Variants in DCDC1 observed in about 807,000 individuals in gnomAD.
The protein encoded by DCDC1 is doublecortin domain-containing protein 1.
A neutral mutation model predicts 178.3 loss-of-function variants in DCDC1; 200 were observed. That is an observed-to-expected ratio of 1.12 (90% CI 1.00 to 1.26). The LOEUF (loss-of-function observed/expected upper bound fraction) is 1.26. Ranked by LOEUF, DCDC1 falls within the 50% of genes most tolerant of loss-of-function variation. DCDC1 has a pLI of 0.00. For missense variants in DCDC1, 1,983 were observed against 1,749.2 expected (o/e 1.13, Z -2.38); for synonymous variants, 690 against 604.8 (o/e 1.14, Z -2.07).
chr11:31,152,113 A>T (rs1440030144), intron 9 of DCDC1, among the ~76,000 whole-genome samples: 1 of 152,232 alleles, frequency 6.6e-6, no homozygotes, highest in Non-Finnish European at 1.5e-5. Flanking sequence ...AATAATTTTC[A>T]TTCAACCTGG....
At chr11:31,033,500 T>C (rs1050269108) in intron 20 of DCDC1, among the ~76,000 whole-genome samples, 3 of 152,178 alleles carry the variant, frequency 2.0e-5, no homozygotes, top group Non-Finnish European at 4.4e-5. Flanking sequence ...CATTTATTTA[T>C]TCAGTATACA....
intron 20 of DCDC1, among the ~76,000 whole-genome samples, chr11:30,981,190 C>T (rs574433078): frequency 7.9e-5 from 12 of 152,004 alleles, no homozygotes; most frequent in East Asian, 1.9e-4. Flanking sequence ...ACTCCAAAAG[C>T]GGAGAGGGTG....
chr11:31,210,742 A>T (rs1972430680), intron 9 of DCDC1, among the ~76,000 whole-genome samples: 1 of 151,928 alleles, frequency 6.6e-6, no homozygotes, highest in South Asian at 2.1e-4. Flanking sequence ...AAAGGAAAAG[A>T]AAAGAAAAAA....
At chr11:31,020,805 GAA>G (rs1478625654) in intron 20 of DCDC1, among the ~76,000 whole-genome samples, 2 of 152,174 alleles carry the variant, frequency 1.3e-5, no homozygotes, top group African/African-American at 4.8e-5. Flanking sequence ...ACTTTTGCAT[GAA>G]GTTATTCACT....
In DCDC1 at chr11:31,079,474, C is replaced by G. The variant is rs188798989; in HGVS notation, c.2238-1549G>C. On this transcript the variant is annotated intron_variant, in intron 17 of 38. Transcript: ENST00000684477. ...GAGCCATTCTAGCAGATTATCAAAC[C>G]CAACGAGGGGGTCATGAGAATCCCG... is the stretch of plus-strand genomic sequence containing the variant. Among the ~76,000 whole-genome samples the G allele has an allele frequency of 1.9e-3, 295 of 152,136 alleles. 4 individuals carry two copies. The highest frequency in any genetic ancestry group is 6.5e-3 in the African/African-American group (269 of 41,502).
chr11:31,121,352 AT>A (rs548684321), intron 11 of DCDC1, among the ~76,000 whole-genome samples: 21 of 148,472 alleles, frequency 1.4e-4, no homozygotes, highest in Admixed American at 1.3e-3. Flanking sequence ...TTATGTTTCC[AT>A]TTTTTTTTAA....
At chr11:30,910,789 C>G (rs776318039) in intron 28 of DCDC1, among the ~76,000 whole-genome samples, 4 of 152,090 alleles carry the variant, frequency 2.6e-5, no homozygotes, top group Non-Finnish European at 5.9e-5. Flanking sequence ...TCTGGAGTCT[C>G]CATAAATTGT....
At chr11:31,021,911 G>A (rs1046827778) in intron 20 of DCDC1, among the ~76,000 whole-genome samples, 7 of 152,192 alleles carry the variant, frequency 4.6e-5, no homozygotes, top group South Asian at 2.1e-4. Flanking sequence ...TCTACTGTAC[G>A]TTTTCAAAGG....
At chr11:31,329,337 G>T (rs554251350) in intron 2 of DCDC1, among the ~76,000 whole-genome samples, 1 of 151,974 alleles carries the variant, frequency 6.6e-6, no homozygotes, top group South Asian at 2.1e-4. Context: ...AGTTTCCTAC[G>T]TACATAAGCC....
Position 30,928,816 on chromosome 11 carries a change from A to G in DCDC1, c.2897+2955T>C, listed in dbSNP as rs1946753241. Among the ~76,000 whole-genome samples the G allele has an allele frequency of 2.0e-5, 3 of 151,318 alleles. No individual in the cohort carries two copies. The South Asian group carries it at 6.2e-4, about 32-fold the overall frequency. ...TTTTATTTCTCTTCTAATAATGCTG[A>G]ACACTATGAAATATAAATTTTTCAA... On this transcript the variant is annotated intron_variant, in intron 22 of 38. Coordinates refer to ENST00000684477, the MANE Select transcript of DCDC1 (RefSeq NM_001387274.1).
chr11:31,020,967 C>A (rs1310631015), intron 20 of DCDC1, among the ~76,000 whole-genome samples: 1 of 152,052 alleles, frequency 6.6e-6, no homozygotes, highest in Non-Finnish European at 1.5e-5. Context: ...TTGACTGTTT[C>A]CAAAAAGGGA....
intron 9 of DCDC1, among the ~76,000 whole-genome samples, chr11:31,157,158 C>T (rs1221207879): frequency 1.3e-5 from 2 of 151,266 alleles, no homozygotes; most frequent in East Asian, 3.9e-4. Context: ...CTGGGAGGAT[C>T]GCTTAAAGCC....
chr11:31,083,250 T>G (rs952824722), intron 17 of DCDC1, among the ~76,000 whole-genome samples: 6 of 152,214 alleles, frequency 3.9e-5, no homozygotes, highest in Non-Finnish European at 5.9e-5. Context: ...TACTTGAAAT[T>G]GGACAGGGTT....
At chr11:31,198,095 G>A (rs1406430095) in intron 9 of DCDC1, among the ~76,000 whole-genome samples, 1 of 152,004 alleles carries the variant, frequency 6.6e-6, no homozygotes, top group Admixed American at 6.6e-5. Flanking sequence ...ACATTAGTGA[G>A]ACCCTTAGGT....
At chr11:30,931,711 A>T in intron 22 of DCDC1, 60 bp downstream of exon 22, 7 of 1,457,620 alleles carry the variant, frequency 4.8e-6, no homozygotes, top group Non-Finnish European at 6.4e-6. Context: ...CATAATTAAG[A>T]ACACAAAATC....
At chr11:31,020,866 C>G (rs1372434530) in intron 20 of DCDC1, among the ~76,000 whole-genome samples, 2 of 152,084 alleles carry the variant, frequency 1.3e-5, no homozygotes, top group African/African-American at 4.8e-5. Flanking sequence ...ATTTGTAACT[C>G]AAATCACAAA....
intron 6 of DCDC1, among the ~76,000 whole-genome samples, chr11:31,299,048 CTATATTCAATTA>C: frequency 6.6e-6 from 1 of 152,190 alleles, no homozygotes; most frequent in East Asian, 1.9e-4. Context: ...AAACATACTG[CTATATTCAATTA>C]TATCATCTAC....
chr11:31,346,840 G>A (rs938857180), intron 1 of DCDC1, among the ~76,000 whole-genome samples: 4 of 152,062 alleles, frequency 2.6e-5, no homozygotes, highest in African/African-American at 7.2e-5. Context: ...AGGTTTTACC[G>A]TTTTTCCTCT....
At chr11:31,366,984 A>G (rs1951995104) in intron 1 of DCDC1, among the ~76,000 whole-genome samples, 1 of 152,204 alleles carries the variant, frequency 6.6e-6, no homozygotes, top group Non-Finnish European at 1.5e-5. Flanking sequence ...TTTCTTGAGG[A>G]AGGAACTGAG....
Sources: allele counts gnomAD v4.1 joint callset (sites outside exome capture counted in the v4.1 genomes callset), GRCh38; gene constraint gnomAD v4.1.1; transcripts MANE v1.5; gene names NCBI Gene and HGNC (gene_info 2026-07-23, HGNC 2026-07-21).